Variants in BTC observed in about 807,000 individuals in gnomAD.
BTC encodes the protein betacellulin, also known as probetacellulin.
A neutral mutation model predicts 18.1 loss-of-function variants in BTC; 13 were observed. The ratio of observed to expected loss-of-function variants is 0.72; its 90% CI spans 0.47 to 1.14. BTC has a LOEUF of 1.14. BTC is among the 50% of genes most tolerant of loss of function. BTC has a pLI of 0.00. For missense variants in BTC, 247 were observed against 224.2 expected (o/e 1.10, Z -0.65); for synonymous variants, 83 against 79.4 (o/e 1.05, Z -0.24).
chr4:74,750,423 C>T, intron 4 of BTC, 150 bp downstream of exon 4: 1 of 721,250 alleles, frequency 1.4e-6, no homozygotes, highest in Non-Finnish European at 2.2e-6. Flanking sequence ...ATTATGAATA[C>T]TTCTATATCA....
At chr4:74,792,693 G>A (rs1309976871) in intron 1 of BTC, among the ~76,000 whole-genome samples, 2 of 152,050 alleles carry the variant, frequency 1.3e-5, no homozygotes, top group Non-Finnish European at 2.9e-5. Flanking sequence ...CATTCGCATC[G>A]CCAACCCTTT....
chr4:74,787,432 G>T (rs1174084451), intron 1 of BTC, among the ~76,000 whole-genome samples: 1 of 152,022 alleles, frequency 6.6e-6, no homozygotes, highest in East Asian at 1.9e-4. Flanking sequence ...GTCTTTCATT[G>T]TTTCTTTAAA....
At chr4:74,772,068 A>G (rs1412457111) in intron 1 of BTC, among the ~76,000 whole-genome samples, 1 of 152,206 alleles carries the variant, frequency 6.6e-6, no homozygotes, top group African/African-American at 2.4e-5. Flanking sequence ...TTGTGGGAGT[A>G]TGTACTCATC....
At chr4:74,776,077 C>T (rs1164275157) in intron 1 of BTC, among the ~76,000 whole-genome samples, 2 of 152,144 alleles carry the variant, frequency 1.3e-5, no homozygotes. Context: ...TTTTATTCTC[C>T]TTACCATAAA....
chr4:74,767,800 C>T (rs1724940524), intron 2 of BTC, among the ~76,000 whole-genome samples: 1 of 151,994 alleles, frequency 6.6e-6, no homozygotes, highest in African/African-American at 2.4e-5. Context: ...AGGGTAATCT[C>T]TTGAATAAAT....
chr4:74,773,680 C>T (rs903512706), intron 1 of BTC, among the ~76,000 whole-genome samples: 3 of 151,308 alleles, frequency 2.0e-5, no homozygotes, highest in Non-Finnish European at 4.4e-5. Context: ...GGTGCAATCT[C>T]GGCTCATTGC....
In BTC at chr4:74,783,898, C is replaced by G. The variant is rs148890278; in HGVS notation, c.64+10364G>C. On this transcript the variant is annotated intron_variant, in intron 1 of 5. Coordinates refer to ENST00000395743, the MANE Select transcript of BTC (RefSeq NM_001729.4). ...TAGCAATTGTGAATGGGAGTTCATT[C>G]CTGATTTGGCTCTTGGCTTGACTGT... Among the ~76,000 whole-genome samples the G allele has an allele frequency of 8.8e-3, 1,344 of 152,040 alleles. 20 individuals carry two copies. Among genetic ancestry groups the G allele is most frequent in the African/African-American group, 0.031 (1,282 of 41,472 alleles).
At chr4:74,764,995 C>T (rs1046762667) in intron 2 of BTC, among the ~76,000 whole-genome samples, 3 of 108,852 alleles carry the variant, frequency 2.8e-5, no homozygotes, top group African/African-American at 1.7e-4. Context: ...ATCATCAGGA[C>T]TCGTGAGACT....
At chr4:74,791,003 T>C (rs1725609136) in intron 1 of BTC, among the ~76,000 whole-genome samples, 1 of 152,226 alleles carries the variant, frequency 6.6e-6, no homozygotes, top group Non-Finnish European at 1.5e-5. Context: ...TTTCCTGTTA[T>C]ATGCAACGCA....
intron 1 of BTC, among the ~76,000 whole-genome samples, chr4:74,781,869 A>G (rs544042603): frequency 6.6e-6 from 1 of 151,934 alleles, no homozygotes; most frequent in Admixed American, 6.6e-5. Context: ...ATAACTCCCT[A>G]CTTGCCTCTC....
At chr4:74,776,289 A>G (rs892870306) in intron 1 of BTC, among the ~76,000 whole-genome samples, 5 of 152,010 alleles carry the variant, frequency 3.3e-5, no homozygotes, top group African/African-American at 1.2e-4. Context: ...CTTTCATTCA[A>G]CCTATTATCC....
At chr4:74,765,578 T>C (rs1200910211) in intron 2 of BTC, among the ~76,000 whole-genome samples, 3 of 152,032 alleles carry the variant, frequency 2.0e-5, no homozygotes, top group African/African-American at 4.8e-5. Context: ...TTCAAAGAAA[T>C]AATGCCCCAA....
intron 1 of BTC, among the ~76,000 whole-genome samples, chr4:74,781,937 C>T (rs370496372): frequency 6.6e-6 from 1 of 152,068 alleles, no homozygotes; most frequent in East Asian, 1.9e-4. Context: ...ACAGACATGA[C>T]CAAAAAAGTC....
At chr4:74,783,360 C>T (rs980755107) in intron 1 of BTC, among the ~76,000 whole-genome samples, 2 of 152,040 alleles carry the variant, frequency 1.3e-5, no homozygotes, top group African/African-American at 4.8e-5. Flanking sequence ...ATAAGGATTC[C>T]TTTCCCCATT....
chr4:74,775,779 T>C lies in BTC; in HGVS notation c.65-5623A>G, dbSNP rs142109281. Among the ~76,000 whole-genome samples the C allele has an allele frequency of 4.0e-3, 611 of 152,314 alleles. 4 individuals are homozygous for C. The highest frequency in any genetic ancestry group is 0.014 in the African/African-American group (573 of 41,570). ...CTCCTTGGAATCACCTAAAATAAGTTTAAGCTCTCTTTTCCTTGACAGATT... is the reference window on the plus strand; with the variant it reads ...CTCCTTGGAATCACCTAAAATAAGTCTAAGCTCTCTTTTCCTTGACAGATT... On this transcript the variant is annotated intron_variant, in intron 1 of 5. Coordinates refer to ENST00000395743, the MANE Select transcript of BTC (RefSeq NM_001729.4).
At chr4:74,779,497 C>G (rs1392529941) in intron 1 of BTC, among the ~76,000 whole-genome samples, 1 of 152,050 alleles carries the variant, frequency 6.6e-6, no homozygotes, top group Non-Finnish European at 1.5e-5. Flanking sequence ...AAGGCCAAAC[C>G]AGGCAGTTAG....
At chr4:74,777,133 T>C (rs75765430) in intron 1 of BTC, among the ~76,000 whole-genome samples, 4,327 of 152,198 alleles carry the variant, frequency 0.028, 195 homozygotes, top group African/African-American at 0.1. Flanking sequence ...ATGGAGCTGT[T>C]TTTGAATCCT....
intron 2 of BTC, among the ~76,000 whole-genome samples, chr4:74,767,507 A>G (rs1724931366): frequency 1.3e-5 from 2 of 152,064 alleles, no homozygotes; most frequent in South Asian, 4.1e-4. Context: ...CATACTACCC[A>G]AAGTGATCTA....
At chr4:74,790,360 T>C (rs1381641459) in intron 1 of BTC, among the ~76,000 whole-genome samples, 1 of 152,168 alleles carries the variant, frequency 6.6e-6, no homozygotes, top group African/African-American at 2.4e-5. Flanking sequence ...ATTGGTCCTA[T>C]TACTATTAGC....
Sources: gnomAD v4.1 joint callset for allele counts (sites outside exome capture counted in the v4.1 genomes callset) on GRCh38, gnomAD v4.1.1 for gene constraint, MANE v1.5 for transcripts, NCBI Gene and HGNC (gene_info 2026-07-23, HGNC 2026-07-21) for gene names.